The following CENPI variants were observed in gnomAD, a reference collection of about 807,000 sequenced individuals.
The protein encoded by CENPI is centromere protein I, also known as FSH primary response 1.
In CENPI, 4 loss-of-function variants were observed where a neutral mutation model predicts 60.4. That is an observed-to-expected ratio of 0.07 (90% CI 0.03 to 0.15). CENPI has a LOEUF of 0.15. Among genes scored for constraint, CENPI ranks in the 10% least tolerant of loss-of-function variants. The pLI is 1.00. For synonymous variants in CENPI, 157 were observed against 189.4 expected (o/e 0.83, Z 1.40); for missense variants, 444 against 534.5 (o/e 0.83, Z 1.67).
chrX:101,179,469 G>A, the CENPI span, among the ~76,000 whole-genome samples: 1 of 111,914 alleles, frequency 8.9e-6, no homozygotes, highest in Non-Finnish European at 1.9e-5. Context: ...GAATAGTGCT[G>A]CTGTGAACAT....
chrX:101,117,567 T>C (rs1022247230), intron 6 of CENPI, among the ~76,000 whole-genome samples: 7 of 112,314 alleles, frequency 6.2e-5, no homozygotes, highest in Non-Finnish European at 1.3e-4. Context: ...CTTTCACCCA[T>C]TTCCAAGGTC....
rs138821029 is a variant in CENPI at position 101,144,735 on chromosome X, A to G, written c.1566-329A>G. On this transcript the variant is annotated intron_variant, in intron 16 of 21. Coordinates refer to ENST00000682095, the MANE Select transcript of CENPI (RefSeq NM_001386188.2). ...AACTTTTTTTCTCCACTTAACTTTT[A>G]ATGGAATACCTATTTTTTAATGGTT... is the stretch of plus-strand genomic sequence containing the variant. 4.6e-3 allele frequency among the ~76,000 whole-genome samples: 512 copies of G among 110,809 alleles called. 2 individuals are homozygous for G. The highest frequency in any genetic ancestry group is 0.016 in the African/African-American group (491 of 30,492).
intron 4 of CENPI, among the ~76,000 whole-genome samples, chrX:101,105,393 G>A (rs12556754): frequency 0.14 from 15,084 of 110,255 alleles, 766 homozygotes; most frequent in Middle Eastern, 0.23. Context: ...GCGTGGTGTC[G>A]GGCGCCTGTA....
rs778418269 is a variant in CENPI, at chrX:101,115,406, C to CA, written c.592-4987dup. 6.7e-3 allele frequency among the ~76,000 whole-genome samples: 726 copies of CA among 107,902 alleles called. 4 individuals are homozygous for CA. The highest frequency in any genetic ancestry group is 0.023 in the African/African-American group (674 of 29,698). 93.7% of individuals were successfully genotyped at this position (107,902 alleles called of 115,157 possible). A position where few individuals can be genotyped will look rare whatever the true frequency, so the allele number is the denominator to read the frequency against. On this transcript the variant is annotated intron_variant, in intron 6 of 21. Transcript: ENST00000682095. ...CTGGGTAACGAGCGAGACTCTGTCT[C>CA]AAAAAAAAAGAACAAAGACAAACAC...
At chrX:101,135,066 CTGA>C (rs1222838009) in intron 15 of CENPI, among the ~76,000 whole-genome samples, 1 of 110,923 alleles carries the variant, frequency 9.0e-6, no homozygotes, top group Non-Finnish European at 1.9e-5. Flanking sequence ...TTGAATGTCT[CTGA>C]TGTTGAAAAA....
At chrX:101,122,434 AT>A (rs1319075836) in intron 8 of CENPI, among the ~76,000 whole-genome samples, 1 of 111,344 alleles carries the variant, frequency 9.0e-6, no homozygotes, top group Non-Finnish European at 1.9e-5. Flanking sequence ...GGGTACGATT[AT>A]TTTTTCTTAG....
At chrX:101,139,927 T>C (rs1466349150) in intron 15 of CENPI, among the ~76,000 whole-genome samples, 7 of 108,617 alleles carry the variant, frequency 6.4e-5, no homozygotes, top group African/African-American at 1.0e-4. Context: ...CTCCTTCTCC[T>C]GGGTTCACGT....
At chrX:101,121,941 T>C (rs2089683948) in intron 8 of CENPI, among the ~76,000 whole-genome samples, 1 of 107,364 alleles carries the variant, frequency 9.3e-6, no homozygotes, top group Non-Finnish European at 1.9e-5. Context: ...TAGCTGGAAC[T>C]ACAGGCGCGC....
At chrX:101,123,347 A>G (rs1376700682) in intron 8 of CENPI, among the ~76,000 whole-genome samples, 1 of 111,751 alleles carries the variant, frequency 8.9e-6, no homozygotes. Flanking sequence ...GGTAGCAGAC[A>G]TGAATAGTAG....
chrX:101,151,841 GA>G (rs1216298839), intron 20 of CENPI, among the ~76,000 whole-genome samples: 3,207 of 60,269 alleles, frequency 0.053, 167 homozygotes, highest in African/African-American at 0.17. Flanking sequence ...CTCAAAAAAA[GA>G]AAAAAAAAAA....
chrX:101,102,490 T>TACACACACACACACACAC (rs776207901), intron 4 of CENPI, 79 bp downstream of exon 4: 60 of 292,541 alleles, frequency 2.1e-4, no homozygotes, highest in Admixed American at 3.4e-4. Context: ...AAATCTTATA[T>TACACACACACACACACAC]ATATATACAC....
intron 8 of CENPI, among the ~76,000 whole-genome samples, chrX:101,126,395 A>C (rs1016993219): frequency 1.8e-5 from 2 of 112,060 alleles, no homozygotes; most frequent in Admixed American, 9.5e-5. Context: ...GTATGCTACC[A>C]GTGAGAATAA....
At chrX:101,138,070 C>A (rs1480379028) in intron 15 of CENPI, among the ~76,000 whole-genome samples, 1 of 89,808 alleles carries the variant, frequency 1.1e-5, no homozygotes, top group South Asian at 6.4e-4. Flanking sequence ...TCACTGCAAC[C>A]TCTGCCTCCC....
chrX:101,160,529 C>T (rs191776257), intron 20 of CENPI, among the ~76,000 whole-genome samples: 81 of 108,645 alleles, frequency 7.5e-4, no homozygotes, highest in Middle Eastern at 9.5e-3. Context: ...TACAGGTGCA[C>T]GCCACCATGC....
intron 6 of CENPI, among the ~76,000 whole-genome samples, chrX:101,116,719 A>G (rs2089627165): frequency 9.0e-6 from 1 of 111,659 alleles, no homozygotes; most frequent in East Asian, 2.8e-4. Context: ...TTACTGTATC[A>G]TATGGCAATT....
chrX:101,144,234 C>T (rs1186219406), intron 16 of CENPI, among the ~76,000 whole-genome samples: 1 of 107,280 alleles, frequency 9.3e-6, no homozygotes, highest in Non-Finnish European at 1.9e-5. Context: ...AGGCACCCAC[C>T]ATCACACCTG....
intron 6 of CENPI, among the ~76,000 whole-genome samples, chrX:101,115,551 G>T (rs1275756813): frequency 9.0e-6 from 1 of 110,556 alleles, no homozygotes; most frequent in Non-Finnish European, 1.9e-5. Flanking sequence ...TTTTCTAGAG[G>T]CAGAGTCTCA....
chrX:101,130,226 G>C (rs1401659897), intron 13 of CENPI, among the ~76,000 whole-genome samples, 153 bp downstream of exon 13: 1 of 111,723 alleles, frequency 9.0e-6, no homozygotes, highest in African/African-American at 3.3e-5. Context: ...TTGAGCCCAG[G>C]AGTTCAAGAC....
At chrX:101,099,493 A>T (rs2089386490) in intron 2 of CENPI, among the ~76,000 whole-genome samples, 1 of 108,880 alleles carries the variant, frequency 9.2e-6, no homozygotes, top group African/African-American at 3.3e-5. Flanking sequence ...AAGTGCTGGG[A>T]TTATAGGTGT....
Sources: allele counts gnomAD v4.1 joint callset (sites outside exome capture counted in the v4.1 genomes callset), GRCh38; gene constraint gnomAD v4.1.1; transcripts MANE v1.5; gene names NCBI Gene and HGNC (gene_info 2026-07-23, HGNC 2026-07-21).